NKAIN2: variants seen among roughly 807,000 people sequenced by gnomAD.
NKAIN2 encodes the protein sodium/potassium transporting ATPase interacting 2, also known as sodium/potassium-transporting ATPase subunit beta-1-interacting protein 2.
Under a neutral mutation model 32.6 loss-of-function variants are expected in NKAIN2, and 14 were observed. That is an observed-to-expected ratio of 0.43 (90% CI 0.28 to 0.67). The LOEUF is 0.67. NKAIN2 is among the 30% of genes least tolerant of loss of function. The pLI is 0.17. For missense variants in NKAIN2, 198 were observed against 258.3 expected, an observed-to-expected ratio of 0.77 and a Z score of 1.60; for synonymous variants, 80 against 87.2, an observed-to-expected ratio of 0.92 and a Z score of 0.46.
chr6:124,357,825 T>G (rs1006061860), intron 3 of NKAIN2, among the ~76,000 whole-genome samples: 2 of 139,022 alleles, frequency 1.4e-5, no homozygotes, highest in Non-Finnish European at 3.2e-5. Context: ...GTGCACAACG[T>G]GCAGGTTTGT....
chr6:124,707,470 G>A (rs1349979871), intron 4 of NKAIN2, among the ~76,000 whole-genome samples: 1 of 149,394 alleles, frequency 6.7e-6, no homozygotes, highest in Admixed American at 6.7e-5. Context: ...GTGTAAAGGT[G>A]TTCCTATTTC....
At chr6:124,163,978 G>T (rs532892783) in intron 1 of NKAIN2, among the ~76,000 whole-genome samples, 4 of 152,100 alleles carry the variant, frequency 2.6e-5, no homozygotes, top group Admixed American at 2.0e-4. Context: ...AGTGAACTGA[G>T]TCCTTAGTCT....
chr6:124,543,772 G>A (rs569951541), intron 3 of NKAIN2, among the ~76,000 whole-genome samples: 20 of 152,238 alleles, frequency 1.3e-4, no homozygotes, highest in African/African-American at 3.9e-4. Context: ...GTGGGTTGTG[G>A]CATCCTCCAA....
chr6:124,304,424 A>G (rs538947045), intron 2 of NKAIN2, among the ~76,000 whole-genome samples: 1 of 152,328 alleles, frequency 6.6e-6, no homozygotes, highest in Admixed American at 6.5e-5. Context: ...AGAAGAAGAA[A>G]AGCATACATA....
At chr6:124,378,175 ACT>A (rs1800072894) in intron 3 of NKAIN2, among the ~76,000 whole-genome samples, 1 of 152,082 alleles carries the variant, frequency 6.6e-6, no homozygotes. Flanking sequence ...AGCCCAATGC[ACT>A]TTGGGCTGCA....
At chr6:124,475,322 C>T (rs1283714188) in intron 3 of NKAIN2, among the ~76,000 whole-genome samples, 1 of 152,094 alleles carries the variant, frequency 6.6e-6, no homozygotes, top group Non-Finnish European at 1.5e-5. Context: ...TAAAATGAAT[C>T]TAACAGTTAA....
intron 1 of NKAIN2, among the ~76,000 whole-genome samples, chr6:123,983,029 G>T (rs1458629496): frequency 7.7e-6 from 1 of 129,512 alleles, no homozygotes; most frequent in Non-Finnish European, 1.5e-5. Context: ...TTCAGTGCCT[G>T]CTATGTGCTA....
chr6:124,093,365 C>T (rs192811702), intron 1 of NKAIN2, among the ~76,000 whole-genome samples: 30 of 152,246 alleles, frequency 2.0e-4, no homozygotes, highest in African/African-American at 6.7e-4. Context: ...CCTAGTTTCA[C>T]ATCCAGGATC....
intron 1 of NKAIN2, among the ~76,000 whole-genome samples, chr6:124,106,395 G>A (rs1290032350): frequency 6.6e-6 from 1 of 152,072 alleles, no homozygotes; most frequent in Non-Finnish European, 1.5e-5. Flanking sequence ...CACTATTATT[G>A]TAGTATGTTT....
chr6:123,863,793 C>G lies in NKAIN2; in HGVS notation c.54+59539C>G, dbSNP rs1032895770. ...TCTCTCATCTTATAAATTTGGGTCT[C>G]CTCTTCCTCTCCTGTCCACTTTGAC... On this transcript the variant is annotated intron_variant, in intron 1 of 6. Transcript: ENST00000368417. 3.9e-5 allele frequency among the ~76,000 whole-genome samples: 6 copies of G among 152,298 alleles called. No individual in the cohort carries two copies. The East Asian group carries it at 1.2e-3, about 29-fold the overall frequency.
chr6:124,270,815 G>C (rs1582961896), intron 1 of NKAIN2, among the ~76,000 whole-genome samples: 1 of 152,292 alleles, frequency 6.6e-6, no homozygotes, highest in East Asian at 1.9e-4. Context: ...TTAACAGTAA[G>C]AGATATGGGA....
At chr6:124,798,656 T>A (rs11752106) in intron 5 of NKAIN2, among the ~76,000 whole-genome samples, 20,928 of 152,110 alleles carry the variant, frequency 0.14, 1,772 homozygotes, top group Admixed American at 0.22. Context: ...TTAATATCGA[T>A]TTGTTCTGCT....
intron 4 of NKAIN2, among the ~76,000 whole-genome samples, chr6:124,765,156 G>A (rs1583821520): frequency 6.6e-6 from 1 of 152,272 alleles, no homozygotes; most frequent in East Asian, 1.9e-4. Flanking sequence ...GGATCTCACT[G>A]AAACATGTAA....
At chr6:124,487,986 G>C (rs1051296581) in intron 3 of NKAIN2, among the ~76,000 whole-genome samples, 1 of 151,884 alleles carries the variant, frequency 6.6e-6, no homozygotes, top group African/African-American at 2.4e-5. Context: ...GTTTGTTTAC[G>C]TTCTTGGTGT....
At chr6:124,418,158 CTGTGTGTGTGTGTGTGTGTCTG>C (rs1774579224) in intron 3 of NKAIN2, among the ~76,000 whole-genome samples, 1 of 149,544 alleles carries the variant, frequency 6.7e-6, no homozygotes, top group African/African-American at 2.4e-5. Context: ...CCTGTGTGGA[CTGTGTGTGTGTGTGTGTGTCTG>C]TGTGTGTGTG....
chr6:123,916,451 A>G (rs928075489), intron 1 of NKAIN2, among the ~76,000 whole-genome samples: 3 of 151,920 alleles, frequency 2.0e-5, no homozygotes, highest in African/African-American at 7.3e-5. Context: ...TTTAGTAGAG[A>G]TGAGGTTTTA....
At chr6:123,959,717 C>G (rs1200087509) in intron 1 of NKAIN2, among the ~76,000 whole-genome samples, 2 of 151,810 alleles carry the variant, frequency 1.3e-5, no homozygotes, top group Non-Finnish European at 2.9e-5. Flanking sequence ...TTTCAAATGA[C>G]TACAGTGGCT....
At chr6:124,193,679 TG>T (rs1790145825) in intron 1 of NKAIN2, among the ~76,000 whole-genome samples, 2 of 152,114 alleles carry the variant, frequency 1.3e-5, no homozygotes, top group African/African-American at 4.8e-5. Context: ...CCCGAGTTCT[TG>T]TTCTGTGACC....
chr6:124,098,206 T>G (rs988169799), intron 1 of NKAIN2, among the ~76,000 whole-genome samples: 4 of 152,226 alleles, frequency 2.6e-5, no homozygotes, highest in African/African-American at 9.6e-5. Context: ...ACAATTAATA[T>G]GTATCATCCT....
Sources: gnomAD v4.1 joint callset for allele counts (sites outside exome capture counted in the v4.1 genomes callset) on GRCh38, gnomAD v4.1.1 for gene constraint, MANE v1.5 for transcripts, NCBI Gene and HGNC (gene_info 2026-07-23, HGNC 2026-07-21) for gene names.